Variants in INTS6 observed in about 807,000 individuals in gnomAD.
INTS6 encodes the protein integrator complex subunit 6, also known as DEAD box protein.
Under a neutral mutation model 104.9 loss-of-function variants are expected in INTS6, and 16 were observed. The observed-to-expected ratio is 0.15, with a 90% CI of 0.10 to 0.23. INTS6 has a LOEUF of 0.23. INTS6 is among the 10% of genes least tolerant of loss of function. The pLI is 1.00. For missense variants in INTS6, 584 were observed against 1,062.8 expected (o/e 0.55, Z 6.26); for synonymous variants, 324 against 358.7 (o/e 0.90, Z 1.09).
the INTS6 span, chr13:51,344,509 A>G: frequency 1.3e-6 from 2 of 1,531,266 alleles, no homozygotes; most frequent in Non-Finnish European, 1.8e-6. Context: ...GTACATTTCA[A>G]CAAGGCTAAG....
At chr13:51,351,985 C>G (rs1214814103), downstream of INTS6, among the ~76,000 whole-genome samples, 1 of 152,046 alleles carries the variant, frequency 6.6e-6, no homozygotes, top group Non-Finnish European at 1.5e-5. Context: ...TCAATTCTAT[C>G]CTATAGGCAT....
intron 3 of INTS6, chr13:51,449,736 T>TC: frequency 1.0e-6 from 1 of 985,336 alleles, no homozygotes; most frequent in Non-Finnish European, 1.2e-6. Context: ...GAGAAGGAAA[T>TC]CCACTACTAT....
At chr13:51,395,645 CAT>C (rs1330129030) in intron 4 of INTS6, among the ~76,000 whole-genome samples, 162 bp from the exon 5 acceptor site, 3 of 152,134 alleles carry the variant, frequency 2.0e-5, no homozygotes, top group African/African-American at 7.2e-5. Flanking sequence ...TAAAACAGCA[CAT>C]GATACTGTTT....
At chr13:51,428,388 G>A (rs747080882) in intron 4 of INTS6, among the ~76,000 whole-genome samples, 5 of 148,576 alleles carry the variant, frequency 3.4e-5, no homozygotes, top group Non-Finnish European at 7.4e-5. Context: ...GCAGTGGCAC[G>A]GTCTCAGCTC....
At chr13:51,405,322 T>C (rs1956542245) in intron 4 of INTS6, among the ~76,000 whole-genome samples, 1 of 152,038 alleles carries the variant, frequency 6.6e-6, no homozygotes, top group Admixed American at 6.6e-5. Flanking sequence ...GATAGAGAAA[T>C]AACGTCCAGG....
chr13:51,368,696 A>G (rs1363455568), intron 16 of INTS6, among the ~76,000 whole-genome samples: 2 of 152,088 alleles, frequency 1.3e-5, no homozygotes, highest in Non-Finnish European at 2.9e-5. Flanking sequence ...GGTTCCTGTC[A>G]ATTTATCTGT....
At chr13:51,347,966 C>A in the INTS6 span, among the ~76,000 whole-genome samples, 67 of 151,376 alleles carry the variant, frequency 4.4e-4, no homozygotes, top group African/African-American at 1.6e-3. Context: ...TCCCCCCCCC[C>A]ATACCCAGTC....
chr13:51,426,714 G>C (rs1434492165), intron 4 of INTS6, among the ~76,000 whole-genome samples: 4 of 152,054 alleles, frequency 2.6e-5, no homozygotes, highest in Non-Finnish European at 5.9e-5. Context: ...GGTCATAATA[G>C]TTTTTCATGG....
At chr13:51,450,904 T>G (rs1157473345) in intron 3 of INTS6, 121 bp downstream of exon 3, 1 of 1,341,732 alleles carries the variant, frequency 7.5e-7, no homozygotes, top group East Asian at 2.7e-5. Context: ...ACAATGTGCA[T>G]ATTCTATTTT....
chr13:51,382,119 G>A lies in INTS6; in HGVS notation c.1185C>T (p.Asp395=). ...NYPVLLPLLD[D]LFKVHKAKPT... ...GTTTTGCTTTATGCACTTTAAACAA[G>A]TCATCTAGAAACGTATAATGTGAAC... is the stretch of plus-strand genomic sequence containing the variant. Residue 395 remains aspartate (D), a synonymous_variant, in exon 10 of 18, where the codon GAC becomes GAT. Coordinates refer to ENST00000311234, the MANE Select transcript of INTS6 (RefSeq NM_012141.3). 6.2e-7 allele frequency: 1 copy of A among 1,600,918 alleles called. No individual in the cohort carries two copies. Among genetic ancestry groups the A allele is most frequent in the Non-Finnish European group, 8.5e-7 (1 of 1,169,740 alleles).
At chr13:51,336,655 A>G in the INTS6 span, among the ~76,000 whole-genome samples, 64 of 152,344 alleles carry the variant, frequency 4.2e-4, no homozygotes, top group East Asian at 0.01. Flanking sequence ...ACATAGTCCA[A>G]AGAAGTTGAT....
intron 13 of INTS6, 123 bp from the exon 14 acceptor site, chr13:51,374,919 ATTTG>A (rs1955887980): frequency 4.1e-6 from 4 of 986,740 alleles, no homozygotes; most frequent in East Asian, 2.6e-5. Flanking sequence ...CATATTCTAA[ATTTG>A]TTTGGTGCAA....
the INTS6 span, chr13:51,340,942 G>A: frequency 2.5e-6 from 2 of 808,162 alleles, no homozygotes; most frequent in Non-Finnish European, 3.9e-6. Flanking sequence ...AACCAAGACA[G>A]CTCAATGCAT....
chr13:51,353,175 A>G (rs754818868), downstream of INTS6, among the ~76,000 whole-genome samples: 2 of 152,168 alleles, frequency 1.3e-5, no homozygotes, highest in Non-Finnish European at 2.9e-5. Context: ...CTAATCTTTT[A>G]TAGTCATATC....
intron 4 of INTS6, among the ~76,000 whole-genome samples, chr13:51,408,315 T>C (rs957231994): frequency 2.0e-5 from 3 of 151,992 alleles, no homozygotes; most frequent in African/African-American, 7.2e-5. Flanking sequence ...AGCTAACTTT[T>C]TGTATTTTTA....
In INTS6 at chr13:51,404,099, C is replaced by CAG. The variant is rs1197795949; in HGVS notation, c.430-8617_430-8616insCT. Among the ~76,000 whole-genome samples, 790 of 135,826 alleles carry CAG rather than the reference C, an allele frequency of 5.8e-3. 9 individuals are homozygous for CAG. The highest frequency in any genetic ancestry group is 0.021 in the African/African-American group (744 of 35,186). 89.1% of individuals were successfully genotyped at this position (135,826 alleles called of 152,430 possible). A position where few individuals can be genotyped will look rare whatever the true frequency, so the allele number is the denominator to read the frequency against. On this transcript the variant is annotated intron_variant, in intron 4 of 17. Coordinates refer to ENST00000311234, the MANE Select transcript of INTS6 (RefSeq NM_012141.3). ...ACACACACACACACACACACACACA[C>CAG]ACACAGAGAGAGAGAGAGAGAGAGA...
In INTS6 at chr13:51,362,505, T is replaced by C. The variant is rs1177443600; in HGVS notation, c.*3247A>G. ...CTTCGACAATATTGAACAAAGTCTT[T>C]AGATTATTTCTCTTAATGTTCTTCC... On this transcript the variant is annotated 3_prime_UTR_variant, in exon 18 of 18. Coordinates refer to ENST00000311234, the MANE Select transcript of INTS6 (RefSeq NM_012141.3). 1.3e-5 allele frequency: 2 copies of C among 152,678 alleles called. No homozygotes were observed. The highest frequency in any genetic ancestry group is 2.9e-5 in the Non-Finnish European group (2 of 68,144). 9.5% of individuals were successfully genotyped at this position (152,678 alleles called of 1,614,324 possible).
intron 6 of INTS6, among the ~76,000 whole-genome samples, 194 bp from the exon 7 acceptor site, chr13:51,387,734 T>C (rs928437641): frequency 2.0e-5 from 3 of 152,178 alleles, no homozygotes; most frequent in Non-Finnish European, 4.4e-5. Flanking sequence ...CATTAGACAA[T>C]AAGTACAAAT....
chr13:51,377,083 G>A (rs1955947813), intron 12 of INTS6, among the ~76,000 whole-genome samples: 1 of 152,136 alleles, frequency 6.6e-6, no homozygotes, highest in African/African-American at 2.4e-5. Context: ...CATTCTAGCA[G>A]TTATGAAGTA....
Sources: gnomAD v4.1 joint callset for allele counts (sites outside exome capture counted in the v4.1 genomes callset) on GRCh38, gnomAD v4.1.1 for gene constraint, MANE v1.5 for transcripts, NCBI Gene and HGNC (gene_info 2026-07-23, HGNC 2026-07-21) for gene names.